Variants in NUDT3 observed in about 807,000 individuals in gnomAD.
NUDT3 encodes nudix hydrolase 3, also known as diphosphoinositol polyphosphate phosphohydrolase 1.
NUDT3 carries 9 observed loss-of-function variants against 23.6 expected under a neutral mutation model. That is an observed-to-expected ratio of 0.38 (90% CI 0.23 to 0.66). NUDT3 has a LOEUF of 0.66. Among genes scored for constraint, NUDT3 ranks in the 30% least tolerant of loss-of-function variants. The probability of loss-of-function intolerance (pLI) is 0.52; values close to 1 mark genes in which losing one functional copy is unlikely to be tolerated. For synonymous variants in NUDT3, 86 were observed against 82.6 expected, an observed-to-expected ratio of 1.04 and a Z score of -0.22; for missense variants, 172 against 218.5, an observed-to-expected ratio of 0.79 and a Z score of 1.34.
At chr6:34,367,831 G>A (rs910101094) in intron 1 of NUDT3, among the ~76,000 whole-genome samples, 2 of 152,200 alleles carry the variant, frequency 1.3e-5, no homozygotes, top group Non-Finnish European at 2.9e-5. Context: ...AGAAAGAAGA[G>A]CTGTGCCATG....
rs763857501 is a variant in NUDT3, at chr6:34,295,648, A to G, written c.248T>C (p.Ile83Thr). ...AGATTTTAACAGACTTACCTCAAAA[A>G]TTCCAACTAATCTTCCCAATGTCCC... Reference protein sequence around the residue: ...VKGTLGRLVGIFENQERKHRT... With the variant: ...VKGTLGRLVGTFENQERKHRT... The change falls in exon 3 of 5, where the codon ATT becomes ACT. Residue 83 changes from isoleucine to threonine, a missense_variant. Physicochemically the swap from Ile to Thr is moderately conservative, Grantham distance 89. This residue lies in a region of NUDT3 where 59 missense variants were observed against 107.4 expected (regional missense o/e 0.55). Transcript: ENST00000607016. 1 of 1,614,090 alleles carries G rather than the reference A, an allele frequency of 6.2e-7. No individual in the cohort carries two copies. The highest frequency in any genetic ancestry group is 8.5e-7 in the Non-Finnish European group (1 of 1,179,984).
rs183326723 is a variant in NUDT3, at chr6:34,286,724, C to G, written c.*2029G>C. 1 of 147,426 alleles carries G rather than the reference C, an allele frequency of 6.8e-6. No individual in the cohort carries two copies. The highest frequency in any genetic ancestry group is 2.5e-5 in the African/African-American group (1 of 39,514). 9.1% of individuals were successfully genotyped at this position (147,426 alleles called of 1,614,324 possible). A position where few individuals can be genotyped will look rare whatever the true frequency, so the allele number is the denominator to read the frequency against. Reference sequence around the variant, plus strand: ...TCCCAAGAATATAACTGCTCTTTGGCTCTGTGTGTGAAGATTGGGGGAGAG... The same window carrying G: ...TCCCAAGAATATAACTGCTCTTTGGGTCTGTGTGTGAAGATTGGGGGAGAG... On this transcript the variant is annotated 3_prime_UTR_variant, in exon 5 of 5. Coordinates refer to ENST00000607016, the MANE Select transcript of NUDT3 (RefSeq NM_006703.4).
At chr6:34,351,406 C>T (rs1764473744) in intron 1 of NUDT3, among the ~76,000 whole-genome samples, 2 of 142,880 alleles carry the variant, frequency 1.4e-5, no homozygotes, top group Admixed American at 1.4e-4. Context: ...GTGCACTGCA[C>T]TCCATCCTAG....
intron 1 of NUDT3, among the ~76,000 whole-genome samples, chr6:34,373,173 A>C (rs1336924179): frequency 6.8e-6 from 1 of 146,698 alleles, no homozygotes; most frequent in Non-Finnish European, 1.5e-5. Context: ...CAGCTTCTCG[A>C]GAGGCTGAGG....
At chr6:34,355,240 A>G (rs1764543893) in intron 1 of NUDT3, among the ~76,000 whole-genome samples, 1 of 152,194 alleles carries the variant, frequency 6.6e-6, no homozygotes. Context: ...ATAAATGGAC[A>G]TTGGATTTTG....
chr6:34,382,691 C>T (rs1765041385), intron 1 of NUDT3, among the ~76,000 whole-genome samples: 1 of 151,800 alleles, frequency 6.6e-6, no homozygotes, highest in Non-Finnish European at 1.5e-5. Flanking sequence ...ATTAGCCAGG[C>T]ATGGTGGTGC....
intron 1 of NUDT3, among the ~76,000 whole-genome samples, chr6:34,384,600 T>A (rs868325746): frequency 1.3e-5 from 2 of 152,188 alleles, no homozygotes; most frequent in Non-Finnish European, 2.9e-5. Context: ...GGAAGTACTT[T>A]AGCAGGGCCA....
Position 34,323,566 on chromosome 6 carries a change from C to CA in NUDT3, c.210+18295dup, listed in dbSNP as rs1020671858. Reference sequence around the variant, plus strand: ...TGGGTAACACAAGGAGATCCTGTCTCAAAAAAAAAGAGAAAAGAAACAAGA... The same window carrying CA: ...TGGGTAACACAAGGAGATCCTGTCTCAAAAAAAAAAGAGAAAAGAAACAAGA... On this transcript the variant is annotated intron_variant, in intron 2 of 4. Coordinates refer to ENST00000607016, the MANE Select transcript of NUDT3 (RefSeq NM_006703.4). 6.2e-5 allele frequency among the ~76,000 whole-genome samples: 9 copies of CA among 144,280 alleles called. No homozygotes were observed. The South Asian group carries it at 9.0e-4, about 14-fold the overall frequency. 94.7% of individuals were successfully genotyped at this position (144,280 alleles called of 152,430 possible). A position where few individuals can be genotyped will look rare whatever the true frequency, so the allele number is the denominator to read the frequency against.
At chr6:34,297,760 A>ATATTTTTTTT (rs1763535832) in intron 2 of NUDT3, among the ~76,000 whole-genome samples, 2 of 53,652 alleles carry the variant, frequency 3.7e-5, no homozygotes, top group Admixed American at 2.6e-4. Flanking sequence ...TATATATATA[A>ATATTTTTTTT]TTTTTTTTTT....
At chr6:34,385,667 T>C (rs1466560653) in intron 1 of NUDT3, among the ~76,000 whole-genome samples, 1 of 152,000 alleles carries the variant, frequency 6.6e-6, no homozygotes, top group African/African-American at 2.4e-5. Flanking sequence ...TGTTTGTCCA[T>C]ATAAGTGAGC....
chr6:34,364,534 G>C lies in NUDT3; in HGVS notation c.100-22562C>G, dbSNP rs150357563. 3.2e-4 allele frequency among the ~76,000 whole-genome samples: 49 copies of C among 151,958 alleles called. 1 individual carries two copies. The East Asian group carries it at 6.4e-3, about 20-fold the overall frequency. ...TAAAACAACAACAACAACAACAACG[G>C]AACAAATCTAAACAACGGGAAGTCA... is the stretch of plus-strand genomic sequence containing the variant. On this transcript the variant is annotated intron_variant, in intron 1 of 4. Coordinates refer to ENST00000607016, the MANE Select transcript of NUDT3 (RefSeq NM_006703.4).
At position 34,392,246 on chromosome 6, in the gene NUDT3, C is replaced by T. The variant is rs771584490; in HGVS notation, c.99+18G>A. 14 of 1,567,690 alleles carry T rather than the reference C, an allele frequency of 8.9e-6. No homozygotes were observed. Among genetic ancestry groups the T allele is most frequent in the Admixed American group, 7.3e-5 (4 of 54,584 alleles). On this transcript the variant is annotated intron_variant, in intron 1 of 4. Transcript: ENST00000607016. Reference sequence around the variant, plus strand: ...CCGGAGACCCGGCGACCCCGGCCCGCCCAGCCTGCCGCCTCACCTCCTCCT... The same window carrying T: ...CCGGAGACCCGGCGACCCCGGCCCGTCCAGCCTGCCGCCTCACCTCCTCCT...
intron 4 of NUDT3, among the ~76,000 whole-genome samples, chr6:34,289,492 G>A (rs557436175): frequency 3.5e-4 from 53 of 152,246 alleles, no homozygotes; most frequent in African/African-American, 8.9e-4. Flanking sequence ...ACCTGAGCCC[G>A]GAAGGTCGCG....
At chr6:34,352,316 T>G (rs868724759) in intron 1 of NUDT3, among the ~76,000 whole-genome samples, 5 of 152,100 alleles carry the variant, frequency 3.3e-5, no homozygotes, top group African/African-American at 1.2e-4. Context: ...ACTACAGGTG[T>G]GCACCACCAC....
intron 2 of NUDT3, among the ~76,000 whole-genome samples, chr6:34,313,963 G>A (rs1272304022): frequency 2.6e-5 from 4 of 151,840 alleles, no homozygotes; most frequent in African/African-American, 9.7e-5. Context: ...CAGGCGTGGT[G>A]GCACATGCCT....
intron 2 of NUDT3, among the ~76,000 whole-genome samples, chr6:34,297,727 A>AT (rs1763525457): frequency 2.4e-5 from 1 of 41,474 alleles, no homozygotes; most frequent in African/African-American, 1.6e-4. Context: ...GTAAAAAAAA[A>AT]AAAATATATA....
intron 2 of NUDT3, among the ~76,000 whole-genome samples, chr6:34,333,820 T>A (rs1374619369): frequency 6.6e-6 from 1 of 152,258 alleles, no homozygotes; most frequent in African/African-American, 2.4e-5. Flanking sequence ...AAGCTGATGA[T>A]GTGACCTGGC....
At chr6:34,382,450 CTTTT>C (rs111708339) in intron 1 of NUDT3, among the ~76,000 whole-genome samples, 1 of 152,022 alleles carries the variant, frequency 6.6e-6, no homozygotes, top group Non-Finnish European at 1.5e-5. Flanking sequence ...TGTAACTTCT[CTTTT>C]TTTGTTTGTT....
At chr6:34,360,550 G>A (rs949353263) in intron 1 of NUDT3, among the ~76,000 whole-genome samples, 17 of 152,094 alleles carry the variant, frequency 1.1e-4, no homozygotes, top group African/African-American at 3.9e-4. Context: ...GCCACTAGGC[G>A]ACAGAGCAAG....
Sources: allele counts gnomAD v4.1 joint callset (sites outside exome capture counted in the v4.1 genomes callset), GRCh38; gene constraint gnomAD v4.1.1; regional missense constraint gnomAD v4.1.1; transcripts MANE v1.5; gene names NCBI Gene and HGNC (gene_info 2026-07-23, HGNC 2026-07-21).